Variants in DMD observed in about 807,000 individuals in gnomAD.
DMD encodes mutant dystrophin.
Under a neutral mutation model 330.1 loss-of-function variants are expected in DMD, and 63 were observed. That is an observed-to-expected ratio of 0.19 (90% CI 0.16 to 0.24). The LOEUF is 0.24. Among genes scored for constraint, DMD ranks in the 10% least tolerant of loss-of-function variants. DMD has a pLI of 1.00. For synonymous variants in DMD, 1,223 were observed against 959.8 expected (o/e 1.27, Z -5.07); for missense variants, 3,344 against 2,684.1 (o/e 1.25, Z -5.43).
intron 41 of DMD, among the ~76,000 whole-genome samples, chrX:32,333,524 T>A (rs374758527): frequency 1.8e-4 from 20 of 111,785 alleles, no homozygotes; most frequent in African/African-American, 6.5e-4. Flanking sequence ...TTTGCTTTTT[T>A]TGGATTCATC....
At position 32,518,059 on chromosome X, in the gene DMD, A is replaced by C; in HGVS notation, c.2241T>G (p.Phe747Leu). The change falls in exon 18 of 79, where the codon TTT becomes TTG. Residue 747 changes from phenylalanine to leucine, a missense_variant. Transcript: ENST00000357033. ...RSEAVLQSPE[F>L]AIFRKEGNFS... is the part of the protein sequence containing the mutation. ...AGTTGCCTTCCTTCCGAAAGATTGC[A>C]AATTCAGGACTCTGCAACACAGCTT... 3 of 1,210,566 alleles carry C rather than the reference A, an allele frequency of 2.5e-6. No homozygotes were observed. The highest frequency in any genetic ancestry group is 3.4e-6 in the Non-Finnish European group (3 of 894,331).
At chrX:33,293,802 C>A (rs1227591630) in intron 1 of DMD, among the ~76,000 whole-genome samples, 1 of 111,541 alleles carries the variant, frequency 9.0e-6, no homozygotes. Context: ...TTCTTCCTCA[C>A]CAAGAGGTAA....
At chrX:32,721,277 C>A (rs758895989) in intron 7 of DMD, among the ~76,000 whole-genome samples, 1 of 110,678 alleles carries the variant, frequency 9.0e-6, no homozygotes, top group Non-Finnish European at 1.9e-5. Context: ...TGAGGAAACA[C>A]TCCCAGACAA....
chrX:31,141,236 A>AC (rs201522953), intron 76 of DMD, among the ~76,000 whole-genome samples: 2,571 of 111,717 alleles, frequency 0.023, 57 homozygotes, highest in African/African-American at 0.069. Flanking sequence ...AACAACAACA[A>AC]AACCAGAATG....
At chrX:33,093,847 TATAG>T (rs1172986654) in intron 1 of DMD, among the ~76,000 whole-genome samples, 1 of 111,287 alleles carries the variant, frequency 9.0e-6, no homozygotes, top group African/African-American at 3.3e-5. Context: ...TTATATTATA[TATAG>T]ATATAAAATA....
At chrX:32,848,863 A>G (rs1429424921) in intron 3 of DMD, among the ~76,000 whole-genome samples, 1 of 111,432 alleles carries the variant, frequency 9.0e-6, no homozygotes, top group Non-Finnish European at 1.9e-5. Context: ...ATATCTGACA[A>G]TATATACCGA....
At chrX:32,571,214 T>C (rs1197681899) in intron 15 of DMD, among the ~76,000 whole-genome samples, 1 of 111,899 alleles carries the variant, frequency 8.9e-6, no homozygotes, top group Non-Finnish European at 1.9e-5. Context: ...ATTTTGATAA[T>C]CAGTGGTCAC....
chrX:31,569,948 T>C (rs1338013235), intron 55 of DMD, among the ~76,000 whole-genome samples: 1 of 110,909 alleles, frequency 9.0e-6, no homozygotes, highest in Non-Finnish European at 1.9e-5. Context: ...ATAACTCTTC[T>C]GTACGCATGA....
chrX:32,674,404 A>T (rs1307040941), intron 9 of DMD, among the ~76,000 whole-genome samples: 1 of 111,772 alleles, frequency 8.9e-6, no homozygotes, highest in African/African-American at 3.2e-5. Flanking sequence ...TTGAAAGTGA[A>T]TATATGCTAT....
At chrX:33,132,564 G>A (rs753097273) in intron 1 of DMD, among the ~76,000 whole-genome samples, 2 of 112,307 alleles carry the variant, frequency 1.8e-5, no homozygotes, top group Non-Finnish European at 3.8e-5. Flanking sequence ...GCAGTCCTGC[G>A]GACAACAAAG....
intron 1 of DMD, among the ~76,000 whole-genome samples, chrX:33,166,671 T>A (rs1285562109): frequency 1.8e-5 from 2 of 110,658 alleles, no homozygotes; most frequent in African/African-American, 3.3e-5. Flanking sequence ...CTTCTATAAT[T>A]TCTCCTCTTT....
Position 33,124,488 on chromosome X carries a change from A to C in DMD, c.31+86794T>G, listed in dbSNP as rs867907737. Among the ~76,000 whole-genome samples, 38 of 100,406 alleles carry C rather than the reference A, an allele frequency of 3.8e-4. 2 individuals carry two copies. The highest frequency in any genetic ancestry group is 1.5e-3 in the African/African-American group (37 of 25,063). 87.2% of individuals were successfully genotyped at this position (100,406 alleles called of 115,157 possible). On this transcript the variant is annotated intron_variant, in intron 1 of 78. Transcript: ENST00000357033. ...GGAGACTCTGTCTGAAAAAAAAAAA[A>C]AAAAAAAAAAAAAAAAAAAAAACCG...
intron 78 of DMD, among the ~76,000 whole-genome samples, chrX:31,124,455 T>G (rs1286287922): frequency 9.0e-6 from 1 of 111,616 alleles, no homozygotes; most frequent in Non-Finnish European, 1.9e-5. Context: ...ATTATCCATG[T>G]GTGTAAGGCA....
rs780740992 is a variant in DMD, at chrX:32,541,335, CCA to C, written c.2168+3822_2168+3823del. On this transcript the variant is annotated intron_variant, in intron 17 of 78. Transcript: ENST00000357033. ...CCATCACTTCTACTCCTCCTACCCA[CCA>C]CAATCTTCCTCCATCTTCATCATCT... Among the ~76,000 whole-genome samples the C allele has an allele frequency of 2.0e-4, 22 of 111,705 alleles. No individual in the cohort carries two copies. In the South Asian group the frequency reaches 8.3e-3, roughly 42 times the overall value.
chrX:32,487,848 T>A (rs1320868668), intron 20 of DMD, among the ~76,000 whole-genome samples: 1 of 111,663 alleles, frequency 9.0e-6, no homozygotes, highest in Non-Finnish European at 1.9e-5. Flanking sequence ...TGCTAGAAAG[T>A]TGGTATATAT....
chrX:32,346,072 G>T lies in DMD; in HGVS notation c.5457C>A (p.Asp1819Glu), dbSNP rs1360206259. 2.5e-6 allele frequency: 3 copies of T among 1,207,317 alleles called. No homozygotes were observed. The highest frequency in any genetic ancestry group is 3.4e-6 in the Non-Finnish European group (3 of 893,709). Residue 1819 changes from aspartate (D) to glutamate (E), a missense_variant, in exon 39 of 79, where the codon GAC becomes GAA. Physicochemically the swap from Asp to Glu is conservative, Grantham distance 45 (BLOSUM62 2). Transcript: ENST00000357033. The part of the protein sequence containing the change: ...EEDFNKDMNE[D>E]NEGTVKELLQ... ...ACAATTCTTTTACAGTACCCTCATT[G>T]TCTTCATTCTGATCAAAAACAACAA...
At chrX:32,719,531 CAA>C (rs1441867454) in intron 7 of DMD, among the ~76,000 whole-genome samples, 1 of 111,267 alleles carries the variant, frequency 9.0e-6, no homozygotes, top group African/African-American at 3.3e-5. Flanking sequence ...CTTAGTATTG[CAA>C]AGTTTAAACT....
intron 45 of DMD, among the ~76,000 whole-genome samples, chrX:31,938,681 G>A (rs1478874889): frequency 9.0e-6 from 1 of 111,430 alleles, no homozygotes; most frequent in Non-Finnish European, 1.9e-5. Flanking sequence ...TGTTTCACTA[G>A]GAATTTTACT....
At chrX:31,200,988 T>A (rs1167891993) in intron 67 of DMD, among the ~76,000 whole-genome samples, 1 of 111,863 alleles carries the variant, frequency 8.9e-6, no homozygotes, top group Non-Finnish European at 1.9e-5. Context: ...AAGCCACCTG[T>A]TACCACCATT....
Sources: gnomAD v4.1 joint callset for allele counts (sites outside exome capture counted in the v4.1 genomes callset) on GRCh38, gnomAD v4.1.1 for gene constraint, MANE v1.5 for transcripts, NCBI Gene and HGNC (gene_info 2026-07-23, HGNC 2026-07-21) for gene names.